VIPR2: variants seen among roughly 807,000 people sequenced by gnomAD.
The protein encoded by VIPR2 is vasoactive intestinal polypeptide receptor 2.
A neutral mutation model predicts 58.0 loss-of-function variants in VIPR2; 48 were observed. The observed-to-expected ratio is 0.83, with a 90% confidence interval of 0.66 to 1.05. VIPR2 has a LOEUF of 1.05. VIPR2 is among the 50% of genes least tolerant of loss of function. VIPR2 has a pLI of 0.00. For missense variants in VIPR2, 534 were observed against 558.0 expected, an observed-to-expected ratio of 0.96 and a Z score of 0.43; for synonymous variants, 243 against 235.2, an observed-to-expected ratio of 1.03 and a Z score of -0.30.
chr7:159,130,458 T>C (rs1796854552), intron 2 of VIPR2, among the ~76,000 whole-genome samples: 1 of 1,776 alleles, frequency 5.6e-4, no homozygotes, highest in Non-Finnish European at 3.4e-3. Flanking sequence ...GAGATATCTT[T>C]TCAGGGTTCT....
At chr7:159,144,669 G>C (rs571014304) in intron 1 of VIPR2, 52 bp downstream of exon 1, 6 of 1,353,824 alleles carry the variant, frequency 4.4e-6, no homozygotes, top group Middle Eastern at 2.7e-4. Flanking sequence ...CTTCTCGGAA[G>C]GGGAGAACCG....
chr7:159,133,562 A>G (rs1254429905), intron 2 of VIPR2, among the ~76,000 whole-genome samples: 1 of 152,244 alleles, frequency 6.6e-6, no homozygotes, highest in Non-Finnish European at 1.5e-5. Context: ...CCAAGAACAC[A>G]ATTTGGACCG....
chr7:159,046,961 G>A (rs183079450), intron 5 of VIPR2, among the ~76,000 whole-genome samples: 114 of 152,286 alleles, frequency 7.5e-4, no homozygotes, highest in Admixed American at 1.5e-3. Context: ...TGGGCCGGGC[G>A]CGGTGGCTCA....
intron 2 of VIPR2, among the ~76,000 whole-genome samples, chr7:159,125,080 A>G (rs1043410632): frequency 1.3e-5 from 2 of 152,244 alleles, no homozygotes; most frequent in Middle Eastern, 3.2e-3. Flanking sequence ...GTCATCTGCA[A>G]AAGGGGTAAG....
chr7:159,139,319 C>T (rs767389520), intron 2 of VIPR2, among the ~76,000 whole-genome samples: 1 of 152,210 alleles, frequency 6.6e-6, no homozygotes, highest in Non-Finnish European at 1.5e-5. Context: ...TCAGCTACAA[C>T]ACAAATGCAC....
rs1489563378 is a variant in VIPR2 at position 159,034,640 on chromosome 7, T to C, written c.820A>G (p.Thr274Ala). ...CACCAGGGCACACTGTGGTCGTTTG[T>C]ATCCCAGCAACTGTCAGAGAGAGAT... ...LYLEDTGCWD[T>A]NDHSVPWWVI... Residue 274 changes from threonine to alanine, a missense_variant, in exon 9 of 13, where the codon ACA becomes GCA. By Grantham distance (58) the Thr-to-Ala change is moderately conservative. Transcript: ENST00000262178. 1 of 1,613,754 alleles carries C rather than the reference T, an allele frequency of 6.2e-7. No individual in the cohort carries two copies. Among genetic ancestry groups the C allele is most frequent in the African/African-American group, 1.3e-5 (1 of 74,912 alleles).
At chr7:159,062,333 T>C (rs1329397667) in intron 4 of VIPR2, among the ~76,000 whole-genome samples, 1 of 152,166 alleles carries the variant, frequency 6.6e-6, no homozygotes, top group African/African-American at 2.4e-5. Context: ...CTCACTGACT[T>C]GAAGAACTAA....
Position 159,096,041 on chromosome 7 carries a change from C to A in VIPR2, c.357+7716G>T, listed in dbSNP as rs540104760. Reference sequence around the variant, plus strand: ...CACCTTCTCAGAACCAGCGCCCCTGCCCCACCCACCTGTGGAGCCCAAGAG... The same window carrying A: ...CACCTTCTCAGAACCAGCGCCCCTGACCCACCCACCTGTGGAGCCCAAGAG... On this transcript the variant is annotated intron_variant, in intron 4 of 12. Coordinates refer to ENST00000262178, the MANE Select transcript of VIPR2 (RefSeq NM_003382.5). The surrounding 1 kb of genome is among the most constrained non-coding windows in gnomAD (Gnocchi z 5.5). 2.0e-5 allele frequency among the ~76,000 whole-genome samples: 3 copies of A among 152,274 alleles called. No homozygotes were observed. The highest frequency in any genetic ancestry group is 6.5e-5 in the Admixed American group (1 of 15,304).
At position 159,058,501 on chromosome 7, in the gene VIPR2, G is replaced by T. The variant is rs753032721; in HGVS notation, c.435C>A (p.Ser145Arg). ...SVSLMSLATG[S>R]IILCLFRKLH... ...CTTACCTGAAGAGGCACAGAATTATGCTTCCTGTTGCAAGAGACATCAGAG... is the reference window on the plus strand; with the variant it reads ...CTTACCTGAAGAGGCACAGAATTATTCTTCCTGTTGCAAGAGACATCAGAG... Residue 145 changes from serine to arginine, a missense_variant, in exon 5 of 13, where the codon AGC becomes AGA. This residue lies in a region of VIPR2 where 224 missense variants were observed against 255.7 expected (regional missense o/e 0.88). Transcript: ENST00000262178. 1.2e-6 allele frequency: 2 copies of T among 1,613,056 alleles called. No homozygotes were observed.
intron 5 of VIPR2, among the ~76,000 whole-genome samples, chr7:159,056,599 G>A (rs1016704117): frequency 1.3e-5 from 2 of 152,104 alleles, no homozygotes; most frequent in Non-Finnish European, 1.5e-5. Context: ...CGTCAACACT[G>A]CACACTTTGG....
intron 2 of VIPR2, among the ~76,000 whole-genome samples, chr7:159,141,681 A>G (rs941244392): frequency 6.6e-6 from 1 of 152,256 alleles, no homozygotes; most frequent in African/African-American, 2.4e-5. Context: ...CTTTTTACTC[A>G]TTGTAATGTG....
rs868609696 is a variant in VIPR2, at chr7:159,029,594, G to A, written c.*1022C>T. On this transcript the variant is annotated 3_prime_UTR_variant, in exon 13 of 13. Transcript: ENST00000262178. Reference sequence around the variant, plus strand: ...ACCCCACGTAACCCCATCACCAGGGGCCCGCAGGCCTGGCCGCAGCTGGCC... The same window carrying A: ...ACCCCACGTAACCCCATCACCAGGGACCCGCAGGCCTGGCCGCAGCTGGCC... 6 of 152,240 alleles carry A rather than the reference G, an allele frequency of 3.9e-5. No homozygotes were observed. Among genetic ancestry groups the A allele is most frequent in the South Asian group, 2.1e-4 (1 of 4,838 alleles). The allele number at this position is 152,240 out of a possible 1,614,324, so 9.4% of individuals were successfully genotyped here. A position where few individuals can be genotyped will look rare whatever the true frequency, so the allele number is the denominator to read the frequency against.
intron 4 of VIPR2, among the ~76,000 whole-genome samples, chr7:159,066,352 G>C (rs930086878): frequency 6.6e-5 from 10 of 151,660 alleles, no homozygotes; most frequent in Non-Finnish European, 1.3e-4. Flanking sequence ...TGGGATTCCA[G>C]GATGCCTGTT....
chr7:159,088,883 CCTCAGGCCTCGGCTCCTCATCT>C (rs1857330989), intron 4 of VIPR2, among the ~76,000 whole-genome samples: 1 of 67,032 alleles, frequency 1.5e-5, no homozygotes, highest in Admixed American at 1.7e-4. Context: ...ATGGGAATAG[CCTCAGGCCTCGGCTCCTCATCT>C]GTGGAATGGG....
At position 159,043,054 on chromosome 7, in the gene VIPR2, G is replaced by A; in HGVS notation, c.578C>T (p.Pro193Leu). 6.2e-7 allele frequency: 1 copy of A among 1,614,156 alleles called. No homozygotes were observed. Among genetic ancestry groups the A allele is most frequent in the Non-Finnish European group, 8.5e-7 (1 of 1,180,010 alleles). Residue 193 changes from proline (P) to leucine (L), a missense_variant, in exon 6 of 13, where the codon CCT becomes CTT. This residue lies in a region of VIPR2 where 224 missense variants were observed against 255.7 expected (regional missense o/e 0.88). Coordinates refer to ENST00000262178, the MANE Select transcript of VIPR2 (RefSeq NM_003382.5). ...CCTTACCCAGGAGGATGGCTGGTCA[G>A]GGCAGTGCAACGTGCCAGAGCTGGA... ...LYSSSGTLHC[P>L]DQPSSWVGCK...
chr7:159,043,709 C>T (rs935243187), intron 5 of VIPR2, among the ~76,000 whole-genome samples: 1 of 152,160 alleles, frequency 6.6e-6, no homozygotes, highest in African/African-American at 2.4e-5. Flanking sequence ...GGTACTTGGT[C>T]CTGGAGAAAT....
Position 159,039,034 on chromosome 7 carries a change from C to G in VIPR2, c.598-2132G>C, listed in dbSNP as rs141259403. On this transcript the variant is annotated intron_variant, in intron 6 of 12. Coordinates refer to ENST00000262178, the MANE Select transcript of VIPR2 (RefSeq NM_003382.5). Reference sequence around the variant, plus strand: ...TGCATGAGAGCCACAGAGGCAGTGCCAACGCCCACCAGACAGGCAAAATGG... The same window carrying G: ...TGCATGAGAGCCACAGAGGCAGTGCGAACGCCCACCAGACAGGCAAAATGG... 1.9e-3 allele frequency among the ~76,000 whole-genome samples: 289 copies of G among 152,338 alleles called. 3 individuals carry two copies. Among genetic ancestry groups the G allele is most frequent in the African/African-American group, 6.6e-3 (274 of 41,580 alleles).
intron 4 of VIPR2, among the ~76,000 whole-genome samples, chr7:159,100,515 G>T (rs563082676): frequency 6.6e-6 from 1 of 152,308 alleles, no homozygotes; most frequent in East Asian, 1.9e-4. Flanking sequence ...TGAACACAAT[G>T]ACAGTGGGTT....
rs1321335837 is a variant in VIPR2 at position 159,099,725 on chromosome 7, G to A, written c.357+4032C>T. Among the ~76,000 whole-genome samples, 1 of 152,056 alleles carries A rather than the reference G, an allele frequency of 6.6e-6. No individual in the cohort carries two copies. The highest frequency in any genetic ancestry group is 1.9e-4 in the East Asian group (1 of 5,190). On this transcript the variant is annotated intron_variant, in intron 4 of 12. Coordinates refer to ENST00000262178, the MANE Select transcript of VIPR2 (RefSeq NM_003382.5). The surrounding 1 kb of genome is among the most constrained non-coding windows in gnomAD (Gnocchi z 4.2). ...TGCAGACGAAGATGAAGACTCAGAG[G>A]TGGTGCCTCCAACACACCGGGGATC...
Sources: allele counts gnomAD v4.1 joint callset (sites outside exome capture counted in the v4.1 genomes callset), GRCh38; gene constraint gnomAD v4.1.1; regional missense constraint gnomAD v4.1.1; non-coding constraint Gnocchi (gnomAD v3.1); transcripts MANE v1.5; gene names NCBI Gene and HGNC (gene_info 2026-07-23, HGNC 2026-07-21).